SP140: variants seen among roughly 807,000 people sequenced by gnomAD.
The protein encoded by SP140 is nuclear body protein SP140.
Under a neutral mutation model 125.0 loss-of-function variants are expected in SP140, and 81 were observed. The ratio of observed to expected loss-of-function variants is 0.65; its 90% CI spans 0.54 to 0.78. SP140 has a LOEUF of 0.78. Ranked by LOEUF, SP140 falls within the 30% of genes least tolerant of loss-of-function variation. SP140 has a pLI of 0.00. For missense variants in SP140, 858 were observed against 1,037.0 expected (o/e 0.83, Z 2.37); for synonymous variants, 312 against 354.0 (o/e 0.88, Z 1.33).
the SP140 span, among the ~76,000 whole-genome samples, chr2:230,192,409 C>T: frequency 2.0e-5 from 3 of 152,178 alleles, no homozygotes; most frequent in Non-Finnish European, 2.9e-5. Flanking sequence ...CCAAAAACTT[C>T]TCGAACTGAT....
intron 1 of SP140, among the ~76,000 whole-genome samples, chr2:230,231,333 G>A (rs1376455411): frequency 6.6e-6 from 1 of 151,804 alleles, no homozygotes; most frequent in Non-Finnish European, 1.5e-5. Flanking sequence ...TTTTTTTTAA[G>A]TCAGACATGA....
rs1273797090 is a variant in SP140, at chr2:230,270,628, A to G, written c.1487A>G (p.Lys496Arg). The stretch of plus-strand genomic sequence containing the variant: ...AACAACTCCACTTTGGGAAAACCCA[A>G]GAGGAAAAGAAGTAAGAATAAATAA... The part of the protein sequence containing the change: ...IANNSTLGKP[K>R]RKRRKKRGHG... Residue 496 changes from lysine to arginine, a missense_variant, in exon 15 of 27, where the codon AAG (lysine) becomes AGG (arginine). This residue lies in a region of SP140 where 791 missense variants were observed against 869.5 expected (regional missense o/e 0.91). Coordinates refer to ENST00000392045, the MANE Select transcript of SP140 (RefSeq NM_007237.5). 1.2e-6 allele frequency: 2 copies of G among 1,608,246 alleles called. No individual in the cohort carries two copies. Among genetic ancestry groups the G allele is most frequent in the Non-Finnish European group, 1.7e-6 (2 of 1,176,212 alleles).
chr2:230,196,434 T>C, the SP140 span, among the ~76,000 whole-genome samples: 74 of 152,178 alleles, frequency 4.9e-4, 1 homozygote, highest in East Asian at 0.012. Flanking sequence ...GACTATATAG[T>C]ATGAGCTTAT....
chr2:230,303,668 C>T (rs572705680), intron 22 of SP140, among the ~76,000 whole-genome samples: 1 of 152,292 alleles, frequency 6.6e-6, no homozygotes, highest in African/African-American at 2.4e-5. Context: ...GTATGATCAT[C>T]TCAATAAAGA....
chr2:230,282,312 C>T (rs1489053685), intron 15 of SP140, among the ~76,000 whole-genome samples: 4 of 152,174 alleles, frequency 2.6e-5, no homozygotes, highest in East Asian at 1.9e-4. Flanking sequence ...CTTCCAAGGC[C>T]GCTTTGGTAT....
At chr2:230,253,091 G>T (rs1222247203) in intron 10 of SP140, among the ~76,000 whole-genome samples, 1 of 152,226 alleles carries the variant, frequency 6.6e-6, no homozygotes, top group Non-Finnish European at 1.5e-5. Flanking sequence ...GGAGAGGCCA[G>T]TTGGAGAGAA....
At chr2:230,302,204 T>A (rs998588453) in intron 22 of SP140, among the ~76,000 whole-genome samples, 1 of 149,826 alleles carries the variant, frequency 6.7e-6, no homozygotes, top group Non-Finnish European at 1.5e-5. Context: ...GCTAATGCAG[T>A]GAAACCCCAT....
At chr2:230,268,163 C>T (rs1263957468) in intron 12 of SP140, among the ~76,000 whole-genome samples, 2 of 152,276 alleles carry the variant, frequency 1.3e-5, no homozygotes. Context: ...CTCAAGCCAT[C>T]TGCCTGTAAT....
intron 22 of SP140, among the ~76,000 whole-genome samples, chr2:230,299,028 A>G (rs528939288): frequency 2.0e-5 from 3 of 152,324 alleles, no homozygotes; most frequent in Admixed American, 1.3e-4. Context: ...GAACCAGAGA[A>G]ATCAAATCTC....
Position 230,233,003 on chromosome 2 carries a change from G to C in SP140, c.60-4080G>C, listed in dbSNP as rs191924284. Among the ~76,000 whole-genome samples, 411 of 152,164 alleles carry C rather than the reference G, an allele frequency of 2.7e-3. 4 individuals carry two copies. Among genetic ancestry groups the C allele is most frequent in the African/African-American group, 8.9e-3 (371 of 41,526 alleles). ...TTATTTTATCTCTGTTATGTCTCTTGTAGTTAGATTCTATTTTGACCATTT... is the reference window on the plus strand; with the variant it reads ...TTATTTTATCTCTGTTATGTCTCTTCTAGTTAGATTCTATTTTGACCATTT... On this transcript the variant is annotated intron_variant, in intron 1 of 26. Transcript: ENST00000392045.
chr2:230,246,823 A>G (rs1202703634), intron 7 of SP140, among the ~76,000 whole-genome samples: 1 of 152,152 alleles, frequency 6.6e-6, no homozygotes, highest in African/African-American at 2.4e-5. Flanking sequence ...AGAGGAACAG[A>G]GAGAAGAAAA....
At chr2:230,288,195 G>C (rs941796783) in intron 18 of SP140, 2 of 430,908 alleles carry the variant, frequency 4.6e-6, no homozygotes, top group East Asian at 3.8e-5. Flanking sequence ...CCACTAAAGT[G>C]CTACTTTCAC....
upstream of SP140, chr2:230,200,774 G>T: frequency 3.5e-6 from 3 of 864,488 alleles, no homozygotes; most frequent in Non-Finnish European, 4.0e-6. Context: ...GGGCTCTCTA[G>T]CACAGTAATA....
intron 21 of SP140, among the ~76,000 whole-genome samples, chr2:230,295,973 T>G (rs2149512108): frequency 6.6e-6 from 1 of 152,316 alleles, no homozygotes; most frequent in East Asian, 1.9e-4. Context: ...ACATGGTCAC[T>G]TGAGCCTATA....
At chr2:230,291,416 T>G (rs2057100307) in intron 19 of SP140, among the ~76,000 whole-genome samples, 1 of 152,204 alleles carries the variant, frequency 6.6e-6, no homozygotes, top group South Asian at 2.1e-4. Context: ...GAAAAGCCCA[T>G]GTCAATTAGC....
downstream of SP140, among the ~76,000 whole-genome samples, chr2:230,316,436 C>T (rs920873565): frequency 2.0e-5 from 3 of 152,076 alleles, no homozygotes; most frequent in Admixed American, 6.6e-5. Flanking sequence ...GGCTTTGTAA[C>T]GTGTGTGTGT....
intron 4 of SP140, 132 bp downstream of exon 4, chr2:230,241,619 T>C (rs552581491): frequency 1.6e-5 from 10 of 635,112 alleles, no homozygotes; most frequent in South Asian, 1.1e-4. Context: ...CACACAGCCA[T>C]GTACCTGCCC....
intron 22 of SP140, 126 bp from the exon 23 acceptor site, chr2:230,309,798 T>C (rs1234913696): frequency 6.7e-6 from 6 of 896,588 alleles, no homozygotes; most frequent in African/African-American, 3.3e-5. Flanking sequence ...TTCCTTCATA[T>C]CCCAGGGAGA....
downstream of SP140, among the ~76,000 whole-genome samples, chr2:230,315,968 C>G (rs552403448): frequency 6.6e-6 from 1 of 152,304 alleles, no homozygotes; most frequent in African/African-American, 2.4e-5. Context: ...ATGGAAATGC[C>G]ACTTTTAAAG....
Sources: gnomAD v4.1 joint callset for allele counts (sites outside exome capture counted in the v4.1 genomes callset) on GRCh38, gnomAD v4.1.1 for gene constraint, gnomAD v4.1.1 regional missense constraint, MANE v1.5 for transcripts, NCBI Gene and HGNC (gene_info 2026-07-23, HGNC 2026-07-21) for gene names.